The following RANBP17 variants were observed in gnomAD, a reference collection of about 807,000 sequenced individuals.
RANBP17 encodes RAN binding protein 17.
In RANBP17, 158 loss-of-function variants were observed where a neutral mutation model predicts 141.2. The observed-to-expected ratio is 1.12, with a 90% confidence interval of 0.98 to 1.28. RANBP17 has a LOEUF of 1.28. Among genes scored for constraint, RANBP17 ranks in the 50% most tolerant of loss-of-function variants. The pLI is 0.00. For synonymous variants in RANBP17, 430 were observed against 450.0 expected (o/e 0.96, Z 0.56); for missense variants, 1,438 against 1,290.7 (o/e 1.11, Z -1.75).
At position 171,295,997 on chromosome 5, in the gene RANBP17, C is replaced by A; in HGVS notation, c.3153C>A (p.Ser1051=). 3 of 1,613,448 alleles carry A rather than the reference C, an allele frequency of 1.9e-6. No individual in the cohort carries two copies. Among genetic ancestry groups the A allele is most frequent in the Non-Finnish European group, 8.5e-7 (1 of 1,179,632 alleles). ...TGGAAGGAGTGGAGCAGAACCTGTC[C>A]GTCAAGAACAGAGACAGGTGAGCAT... ...NLMEGVEQNL[S]VKNRDRFTQN... Residue 1051 remains serine (S), a synonymous_variant, in exon 27 of 28, where the codon TCC becomes TCA. Transcript: ENST00000523189.
intron 2 of RANBP17, among the ~76,000 whole-genome samples, chr5:170,881,503 T>C (rs182580918): frequency 6.6e-6 from 1 of 152,340 alleles, no homozygotes; most frequent in East Asian, 1.9e-4. Context: ...TGTAGGGCTG[T>C]AGACCATGGT....
chr5:170,923,452 A>T (rs186881894), intron 11 of RANBP17, among the ~76,000 whole-genome samples: 2 of 152,322 alleles, frequency 1.3e-5, no homozygotes, highest in Admixed American at 1.3e-4. Context: ...TTTCTCTTTC[A>T]AAATTGTTTT....
At chr5:171,144,514 A>T (rs1757911241) in intron 14 of RANBP17, among the ~76,000 whole-genome samples, 1 of 152,230 alleles carries the variant, frequency 6.6e-6, no homozygotes, top group Admixed American at 6.5e-5. Context: ...GAGGGAAAAA[A>T]ATACAAACTG....
chr5:171,265,640 C>T lies in RANBP17; in HGVS notation c.2777-41C>T, dbSNP rs779863600. On this transcript the variant is annotated intron_variant, in intron 24 of 27. Transcript: ENST00000523189. Reference sequence around the variant, plus strand: ...GTTAGAAAATCAAATGGAGCAAAAACTTAAGTAATGCAAATGAATTCTTAT... The same window carrying T: ...GTTAGAAAATCAAATGGAGCAAAAATTTAAGTAATGCAAATGAATTCTTAT... The T allele has an allele frequency of 6.1e-6, 9 of 1,487,354 alleles. No homozygotes were observed. The Admixed American group carries it at 6.5e-5, about 11-fold the overall frequency. 92.1% of individuals were successfully genotyped at this position (1,487,354 alleles called of 1,614,324 possible). A position where few individuals can be genotyped will look rare whatever the true frequency, so the allele number is the denominator to read the frequency against.
At chr5:171,128,992 G>A (rs1013149822) in intron 14 of RANBP17, among the ~76,000 whole-genome samples, 2 of 152,074 alleles carry the variant, frequency 1.3e-5, no homozygotes, top group African/African-American at 4.8e-5. Flanking sequence ...CCCTTAATGA[G>A]CATATAATAC....
chr5:171,190,792 A>G (rs1761577492), intron 18 of RANBP17, among the ~76,000 whole-genome samples: 1 of 152,216 alleles, frequency 6.6e-6, no homozygotes, highest in African/African-American at 2.4e-5. Context: ...GTGGCAAGGC[A>G]CTATAACAAC....
chr5:170,932,687 C>A lies in RANBP17; in HGVS notation c.1468+8137C>A, dbSNP rs75909663. Among the ~76,000 whole-genome samples, 143 of 151,616 alleles carry A rather than the reference C, an allele frequency of 9.4e-4. 2 individuals carry two copies. Among genetic ancestry groups the A allele is most frequent in the African/African-American group, 3.4e-3 (141 of 41,400 alleles). On this transcript the variant is annotated intron_variant, in intron 12 of 27. Transcript: ENST00000523189. Reference sequence around the variant, plus strand: ...ATAATCATGTGGTTTTTGTCTTTGGCTCTGTTTATATGCTGGATTACATTT... The same window carrying A: ...ATAATCATGTGGTTTTTGTCTTTGGATCTGTTTATATGCTGGATTACATTT...
chr5:170,996,584 C>A (rs903552434), intron 14 of RANBP17, among the ~76,000 whole-genome samples: 2 of 152,104 alleles, frequency 1.3e-5, no homozygotes, highest in South Asian at 2.1e-4. Flanking sequence ...ATGAAGACAG[C>A]ATTCAGACCT....
At position 171,152,412 on chromosome 5, in the gene RANBP17, A is replaced by G. The variant is rs550912261; in HGVS notation, c.1711-17718A>G. Among the ~76,000 whole-genome samples the G allele has an allele frequency of 4.1e-5, 6 of 147,338 alleles. No homozygotes were observed. In the East Asian group the frequency reaches 1.2e-3, roughly 30 times the overall value. On this transcript the variant is annotated intron_variant, in intron 14 of 27. Transcript: ENST00000523189. ...AGTCTGGGCGACAGAACGAGACTCT[A>G]TCTCAAAAAAAAAAAAAAGGGCCCC... is the stretch of plus-strand genomic sequence containing the variant.
chr5:171,129,497 A>G (rs912366530), intron 14 of RANBP17, among the ~76,000 whole-genome samples: 9 of 152,108 alleles, frequency 5.9e-5, no homozygotes, highest in Non-Finnish European at 1.0e-4. Flanking sequence ...ACTGTAGTCA[A>G]GCCCAGAGCA....
chr5:171,209,959 C>T (rs1039470959), intron 20 of RANBP17, among the ~76,000 whole-genome samples: 12 of 151,870 alleles, frequency 7.9e-5, no homozygotes, highest in East Asian at 7.9e-4. Context: ...GACGGACAGA[C>T]GGACGGATGG....
At chr5:170,967,200 T>C (rs1369219841) in intron 13 of RANBP17, among the ~76,000 whole-genome samples, 7 of 152,142 alleles carry the variant, frequency 4.6e-5, no homozygotes, top group Admixed American at 4.6e-4. Flanking sequence ...GTGGATAATA[T>C]GTTCTATGTG....
intron 14 of RANBP17, among the ~76,000 whole-genome samples, chr5:171,094,174 C>T (rs1786509836): frequency 6.6e-6 from 1 of 151,996 alleles, no homozygotes; most frequent in African/African-American, 2.4e-5. Context: ...TTTGTGAGGC[C>T]TTGTGCTTTT....
chr5:170,932,964 T>G (rs1773526396), intron 12 of RANBP17, among the ~76,000 whole-genome samples: 1 of 152,334 alleles, frequency 6.6e-6, no homozygotes, highest in Admixed American at 6.5e-5. Flanking sequence ...TTCTGTTGAT[T>G]GGAATAGTTT....
intron 27 of RANBP17, 142 bp downstream of exon 27, chr5:171,296,156 A>G (rs1768803772): frequency 2.6e-6 from 2 of 780,818 alleles, no homozygotes; most frequent in East Asian, 2.9e-5. Flanking sequence ...GTTCCATTCC[A>G]TTCAGTAAAT....
chr5:170,883,553 T>C (rs796175453), intron 3 of RANBP17, among the ~76,000 whole-genome samples: 5 of 152,308 alleles, frequency 3.3e-5, no homozygotes, highest in African/African-American at 1.2e-4. Flanking sequence ...AATATAGTAT[T>C]ATACAGAATA....
At chr5:171,186,553 TTG>T (rs1761261173) in intron 18 of RANBP17, among the ~76,000 whole-genome samples, 1 of 125,986 alleles carries the variant, frequency 7.9e-6, no homozygotes, top group South Asian at 3.1e-4. Context: ...TTTTTTTTTT[TTG>T]AGACGGAGTC....
intron 14 of RANBP17, among the ~76,000 whole-genome samples, chr5:171,105,710 C>G (rs1251936813): frequency 8.3e-6 from 1 of 120,518 alleles, no homozygotes; most frequent in South Asian, 4.2e-4. Flanking sequence ...AGAGTGAGAA[C>G]TTGTCTCAAA....
chr5:171,148,867 C>T (rs995197758), intron 14 of RANBP17, among the ~76,000 whole-genome samples: 1 of 152,138 alleles, frequency 6.6e-6, no homozygotes, highest in African/African-American at 2.4e-5. Flanking sequence ...GCTTCATAGA[C>T]TTACCATGTT....
Sources: allele counts gnomAD v4.1 joint callset (sites outside exome capture counted in the v4.1 genomes callset), GRCh38; gene constraint gnomAD v4.1.1; transcripts MANE v1.5; gene names NCBI Gene and HGNC (gene_info 2026-07-23, HGNC 2026-07-21).